The following YIPF1 variants were observed in gnomAD, a reference collection of about 807,000 sequenced individuals.
YIPF1 encodes the protein Yip1 domain family member 1, also known as protein YIPF1.
In YIPF1, 22 loss-of-function variants were observed where a neutral mutation model predicts 37.0. The observed-to-expected ratio is 0.59, with a 90% confidence interval of 0.42 to 0.85. The LOEUF is 0.85. Among genes scored for constraint, YIPF1 ranks in the 40% least tolerant of loss-of-function variants. YIPF1 has a pLI of 0.00. For synonymous variants in YIPF1, 128 were observed against 131.9 expected, an observed-to-expected ratio of 0.97 and a Z score of 0.21; for missense variants, 355 against 373.1, an observed-to-expected ratio of 0.95 and a Z score of 0.40.
At chr1:53,862,805 G>A (rs879353819) in intron 9 of YIPF1, among the ~76,000 whole-genome samples, 15 of 152,212 alleles carry the variant, frequency 9.9e-5, no homozygotes, top group South Asian at 6.2e-4. Context: ...TCCTTGCAAC[G>A]TAAAGATGTT....
intron 7 of YIPF1, among the ~76,000 whole-genome samples, chr1:53,868,397 A>G (rs1569621427): frequency 6.6e-6 from 1 of 152,350 alleles, no homozygotes; most frequent in Non-Finnish European, 1.5e-5. Flanking sequence ...TTCCTGTCTC[A>G]GTTTCCTCAT....
chr1:53,873,149 C>T (rs1246873007), intron 6 of YIPF1, among the ~76,000 whole-genome samples: 2 of 152,142 alleles, frequency 1.3e-5, no homozygotes, highest in African/African-American at 2.4e-5. Context: ...GCTGGGGACA[C>T]GATGATGGGC....
chr1:53,877,485 G>A (rs1048207867), intron 6 of YIPF1, among the ~76,000 whole-genome samples: 6 of 152,152 alleles, frequency 3.9e-5, no homozygotes, highest in Admixed American at 1.3e-4. Flanking sequence ...CCTGGCACAC[G>A]GACAGCACTC....
chr1:53,870,967 C>T (rs1569627522), intron 7 of YIPF1, among the ~76,000 whole-genome samples: 1 of 137,256 alleles, frequency 7.3e-6, no homozygotes, highest in Admixed American at 7.9e-5. Context: ...GAGCTGTGAT[C>T]GTACCACTGC....
At chr1:53,878,070 CT>C (rs1650380552) in intron 6 of YIPF1, among the ~76,000 whole-genome samples, 2 of 152,248 alleles carry the variant, frequency 1.3e-5, no homozygotes, top group African/African-American at 4.8e-5. Context: ...GCATGAGCCA[CT>C]GCGCTCAGCC....
intron 8 of YIPF1, 21 bp from the exon 9 acceptor site, chr1:53,866,403 G>T: frequency 6.2e-7 from 1 of 1,609,820 alleles, no homozygotes; most frequent in South Asian, 1.1e-5. Context: ...AGAAAAGGAG[G>T]AGCGGGGAGT....
chr1:53,851,804 A>C lies in YIPF1; in HGVS notation c.*475T>G, dbSNP rs1438190875. 1 of 152,192 alleles carries C rather than the reference A, an allele frequency of 6.6e-6. No individual in the cohort carries two copies. Among genetic ancestry groups the C allele is most frequent in the East Asian group, 1.9e-4 (1 of 5,198 alleles). 9.4% of individuals were successfully genotyped at this position (152,192 alleles called of 1,614,324 possible). A position where few individuals can be genotyped will look rare whatever the true frequency, so the allele number is the denominator to read the frequency against. On this transcript the variant is annotated 3_prime_UTR_variant, in exon 11 of 11. Transcript: ENST00000072644. ...ATCAGGTTACCAAAGACAAATTTTC[A>C]AGCTCCCGGTTAATCCCCACCAAAG...
chr1:53,885,499 T>A (rs540666109), intron 3 of YIPF1, among the ~76,000 whole-genome samples: 1 of 151,576 alleles, frequency 6.6e-6, no homozygotes, highest in East Asian at 1.9e-4. Flanking sequence ...AGAGTGAGAC[T>A]CTGTCTCACA....
intron 7 of YIPF1, 144 bp from the exon 8 acceptor site, chr1:53,867,068 C>A: frequency 1.0e-6 from 1 of 991,918 alleles, no homozygotes; most frequent in African/African-American, 1.6e-5. Flanking sequence ...GGTCTGTAAT[C>A]CCTGAGCTTG....
At position 53,851,959 on chromosome 1, in the gene YIPF1, C is replaced by T. The variant is rs1453258821; in HGVS notation, c.*320G>A. Reference sequence around the variant, plus strand: ...TTCTATTTCAGGTATTAAGGTACCACAGTGAAGCATGTCATTTGACTGTGG... The same window carrying T: ...TTCTATTTCAGGTATTAAGGTACCATAGTGAAGCATGTCATTTGACTGTGG... On this transcript the variant is annotated 3_prime_UTR_variant, in exon 11 of 11. Coordinates refer to ENST00000072644, the MANE Select transcript of YIPF1 (RefSeq NM_018982.5). 6.6e-6 allele frequency: 1 copy of T among 152,224 alleles called. No homozygotes were observed. Among genetic ancestry groups the T allele is most frequent in the African/African-American group, 2.4e-5 (1 of 41,438 alleles). The allele number at this position is 152,224 out of a possible 1,614,324, so 9.4% of individuals were successfully genotyped here.
chr1:53,869,159 C>T (rs1194888429), intron 7 of YIPF1, among the ~76,000 whole-genome samples: 1 of 119,446 alleles, frequency 8.4e-6, no homozygotes, highest in Non-Finnish European at 1.8e-5. Context: ...CTCTCTCTCT[C>T]TCACACACAC....
chr1:53,881,244 C>CAAAAAAAAAA (rs747288925), intron 4 of YIPF1, among the ~76,000 whole-genome samples: 2 of 96,256 alleles, frequency 2.1e-5, no homozygotes, highest in East Asian at 2.9e-4. Context: ...GACTCCATCT[C>CAAAAAAAAAA]AAAAAAAAAA....
intron 10 of YIPF1, among the ~76,000 whole-genome samples, chr1:53,855,243 T>C (rs763430823): frequency 9.2e-5 from 14 of 151,846 alleles, no homozygotes; most frequent in Non-Finnish European, 1.8e-4. Flanking sequence ...GATATGATTA[T>C]CTGCTGATGG....
At chr1:53,874,417 T>C (rs890891187) in intron 6 of YIPF1, among the ~76,000 whole-genome samples, 4 of 152,306 alleles carry the variant, frequency 2.6e-5, no homozygotes, top group African/African-American at 9.6e-5. Flanking sequence ...ATTTCTAACA[T>C]ACAGAAAAGC....
intron 6 of YIPF1, among the ~76,000 whole-genome samples, 183 bp downstream of exon 6, chr1:53,878,132 C>T (rs1650382952): frequency 6.6e-6 from 1 of 152,200 alleles, no homozygotes; most frequent in African/African-American, 2.4e-5. Context: ...GATGACGTGG[C>T]ACTAATATAA....
chr1:53,867,782 C>T (rs1257577924), intron 7 of YIPF1, among the ~76,000 whole-genome samples: 1 of 152,184 alleles, frequency 6.6e-6, no homozygotes, highest in Non-Finnish European at 1.5e-5. Context: ...TGATTAACTG[C>T]TTGAAATATT....
At chr1:53,878,858 A>G (rs947235812) in intron 4 of YIPF1, 136 bp from the exon 5 acceptor site, 3 of 702,388 alleles carry the variant, frequency 4.3e-6, no homozygotes, top group Non-Finnish European at 4.3e-6. Context: ...TCAATAACCA[A>G]CTCTGAAATA....
At chr1:53,866,043 G>A (rs570872183) in intron 9 of YIPF1, among the ~76,000 whole-genome samples, 157 bp downstream of exon 9, 4 of 152,152 alleles carry the variant, frequency 2.6e-5, no homozygotes, top group Non-Finnish European at 5.9e-5. Flanking sequence ...CTCGAGATCC[G>A]CCCACTTGGG....
chr1:53,868,175 C>T (rs1438485535), intron 7 of YIPF1, among the ~76,000 whole-genome samples: 3 of 152,186 alleles, frequency 2.0e-5, no homozygotes, highest in African/African-American at 7.2e-5. Flanking sequence ...TGCTGATGTA[C>T]TGCCTTTTTC....
Sources: allele counts gnomAD v4.1 joint callset (sites outside exome capture counted in the v4.1 genomes callset), GRCh38; gene constraint gnomAD v4.1.1; transcripts MANE v1.5; gene names NCBI Gene and HGNC (gene_info 2026-07-23, HGNC 2026-07-21).